Variants in CTNNA1 observed in about 807,000 individuals in gnomAD.
The protein encoded by CTNNA1 is catenin alpha-1.
Under a neutral mutation model 98.4 loss-of-function variants are expected in CTNNA1, and 37 were observed. That is an observed-to-expected ratio of 0.38 (90% CI 0.29 to 0.49). The LOEUF is 0.49. Among genes scored for constraint, CTNNA1 ranks in the 20% least tolerant of loss-of-function variants. The pLI, the probability that CTNNA1 is intolerant of heterozygous loss-of-function variation, is 0.95. For missense variants in CTNNA1, 761 were observed against 1,147.2 expected, an observed-to-expected ratio of 0.66 and a Z score of 4.86; for synonymous variants, 404 against 413.2, an observed-to-expected ratio of 0.98 and a Z score of 0.27.
At chr5:138,924,786 C>G in intron 12 of CTNNA1, 76 bp downstream of exon 12, 2 of 1,309,824 alleles carry the variant, frequency 1.5e-6, no homozygotes, top group African/African-American at 1.5e-5. Flanking sequence ...TAGCCCAGCC[C>G]TGTGGTGAGG....
At chr5:138,929,706 A>G (rs964665935) in intron 14 of CTNNA1, among the ~76,000 whole-genome samples, 12 of 152,248 alleles carry the variant, frequency 7.9e-5, no homozygotes, top group African/African-American at 2.9e-4. Context: ...ATGGGTATGA[A>G]CTATTTAATT....
chr5:138,854,636 G>C lies in CTNNA1; in HGVS notation c.1062+26918G>C, dbSNP rs568166600. ...AGGATTTAAAATGCAGAATTGATTT[G>C]ACCCACTAAGCCTCTCTATTAGAAA... On this transcript the variant is annotated intron_variant, in intron 7 of 17. Coordinates refer to ENST00000302763, the MANE Select transcript of CTNNA1 (RefSeq NM_001903.5). Among the ~76,000 whole-genome samples, 27 of 152,326 alleles carry C rather than the reference G, an allele frequency of 1.8e-4. No individual in the cohort carries two copies. Among genetic ancestry groups the C allele is most frequent in the Non-Finnish European group, 3.5e-4 (24 of 68,012 alleles).
At chr5:138,806,630 A>G (rs1314942546) in intron 3 of CTNNA1, among the ~76,000 whole-genome samples, 1 of 152,072 alleles carries the variant, frequency 6.6e-6, no homozygotes, top group East Asian at 1.9e-4. Flanking sequence ...GGTTGAGGGA[A>G]TTGAATTCTG....
In CTNNA1 at chr5:138,931,252, C is replaced by T. The variant is rs567449418; in HGVS notation, c.2298+317C>T. 3.3e-5 allele frequency among the ~76,000 whole-genome samples: 5 copies of T among 152,250 alleles called. No homozygotes were observed. In the East Asian group the frequency reaches 9.6e-4, roughly 29 times the overall value. ...CCAGTGCTGTGGAAGGCTGGTGTGC[C>T]TAGATGGGCCCAGGTTTCTTCATCC... On this transcript the variant is annotated intron_variant, in intron 16 of 17. Transcript: ENST00000302763.
At chr5:138,812,049 T>TG in intron 4 of CTNNA1, 134 bp from the exon 5 acceptor site, 2 of 692,464 alleles carry the variant, frequency 2.9e-6, no homozygotes, top group East Asian at 5.3e-5. Flanking sequence ...TAGAAGACCA[T>TG]GCGCAAACTC....
intron 7 of CTNNA1, among the ~76,000 whole-genome samples, chr5:138,858,418 C>T (rs935415291): frequency 7.9e-5 from 12 of 152,018 alleles, no homozygotes; most frequent in African/African-American, 2.2e-4. Context: ...TGAGCTCCTG[C>T]GCCTGTCCCA....
At position 138,812,254 on chromosome 5, in the gene CTNNA1, A is replaced by G; in HGVS notation, c.540A>G (p.Leu180=). The change falls in exon 5 of 18, where the codon CTA becomes CTG. Residue 180 remains leucine (L), a synonymous_variant. Transcript: ENST00000302763. The part of the protein sequence containing the change: ...EQDLGIQYKA[L]KPEVDKLNIM... The stretch of plus-strand genomic sequence containing the variant: ...ACTTAGGAATCCAGTATAAAGCCCT[A>G]AAACCTGAAGTGGATAAGCTGAACA... 6.2e-7 allele frequency: 1 copy of G among 1,613,954 alleles called. No homozygotes were observed. The highest frequency in any genetic ancestry group is 8.5e-7 in the Non-Finnish European group (1 of 1,179,880).
At chr5:138,828,681 A>AT (rs1361704385) in intron 7 of CTNNA1, among the ~76,000 whole-genome samples, 2 of 152,216 alleles carry the variant, frequency 1.3e-5, no homozygotes, top group Non-Finnish European at 2.9e-5. Flanking sequence ...TTCGTTTGCC[A>AT]TACATCTTGT....
Position 138,933,777 on chromosome 5 carries a change from C to T in CTNNA1, c.2434-25C>T. 2.5e-6 allele frequency: 4 copies of T among 1,607,078 alleles called. No homozygotes were observed. The Admixed American group carries it at 5.0e-5, about 20-fold the overall frequency. On this transcript the variant is annotated intron_variant, in intron 17 of 17. Transcript: ENST00000302763. ...GAGGCTGGAGGTCAGGCCGGTGCTT[C>T]TTACCACCCCTGTCTGCCTCGTAGG...
intron 9 of CTNNA1, among the ~76,000 whole-genome samples, chr5:138,888,505 G>A (rs1315471675): frequency 6.6e-6 from 1 of 152,004 alleles, no homozygotes; most frequent in African/African-American, 2.4e-5. Flanking sequence ...TGTGTGTCTC[G>A]TACTTTTGAA....
At chr5:138,785,859 G>C (rs1018647960) in intron 3 of CTNNA1, among the ~76,000 whole-genome samples, 1 of 152,222 alleles carries the variant, frequency 6.6e-6, no homozygotes, top group Non-Finnish European at 1.5e-5. Flanking sequence ...CTCCCGAAGT[G>C]CTGGGATTAC....
intron 4 of CTNNA1, 152 bp from the exon 5 acceptor site, chr5:138,812,031 T>A: frequency 1.6e-6 from 1 of 615,640 alleles, no homozygotes; most frequent in Non-Finnish European, 2.9e-6. Flanking sequence ...TAATTGCTGT[T>A]TAAATGTTAG....
intron 7 of CTNNA1, among the ~76,000 whole-genome samples, chr5:138,847,085 A>G (rs1378532768): frequency 5.3e-5 from 8 of 152,206 alleles, no homozygotes; most frequent in African/African-American, 1.9e-4. Flanking sequence ...AGTATCTGAA[A>G]GCTTTGTTCT....
At chr5:138,838,191 G>T (rs1024678511) in intron 7 of CTNNA1, among the ~76,000 whole-genome samples, 16 of 152,312 alleles carry the variant, frequency 1.1e-4, no homozygotes, top group African/African-American at 3.8e-4. Flanking sequence ...GTGAGCCATG[G>T]CACCCAGCCC....
intron 3 of CTNNA1, among the ~76,000 whole-genome samples, chr5:138,802,141 A>G (rs1757641216): frequency 6.6e-6 from 1 of 152,254 alleles, no homozygotes; most frequent in Non-Finnish European, 1.5e-5. Flanking sequence ...AATGTAAATG[A>G]CAAGAAGAAG....
rs1755161812 is a variant in CTNNA1 at position 138,781,981 on chromosome 5, G to C, written c.57G>C (p.Glu19Asp). ...INFKWDPKSL[E>D]IRTLAVERLL... is the part of the protein sequence containing the mutation. The stretch of plus-strand genomic sequence containing the variant: ...TCAAGTGGGATCCTAAAAGTCTAGA[G>C]ATCAGGACTCTGGCAGTTGAGAGAC... Residue 19 changes from glutamate (E) to aspartate (D), a missense_variant, in exon 2 of 18, where the codon GAG becomes GAC. Physicochemically the swap from Glu to Asp is conservative, Grantham distance 45. Around this residue, in one of 6 missense-constraint regions of CTNNA1, gnomAD observed 328 missense variants for 354.3 expected, o/e 0.93. Transcript: ENST00000302763. The C allele has an allele frequency of 6.2e-7, 1 of 1,606,790 alleles. No homozygotes were observed. Among genetic ancestry groups the C allele is most frequent in the Non-Finnish European group, 8.5e-7 (1 of 1,178,516 alleles).
intron 7 of CTNNA1, among the ~76,000 whole-genome samples, chr5:138,830,341 G>A (rs559493030): frequency 1.3e-5 from 2 of 152,292 alleles, no homozygotes; most frequent in Admixed American, 6.5e-5. Flanking sequence ...CAGCCTGGGC[G>A]ACAGAGCGAG....
At position 138,934,317 on chromosome 5, in the gene CTNNA1, A is replaced by AAAAAT; in HGVS notation, c.*233_*237dup. 1.9e-6 allele frequency: 1 copy of AAAAAT among 515,116 alleles called. No homozygotes were observed. Among genetic ancestry groups the AAAAAT allele is most frequent in the South Asian group, 2.8e-5 (1 of 35,486 alleles). 31.9% of individuals were successfully genotyped at this position (515,116 alleles called of 1,614,324 possible). A position where few individuals can be genotyped will look rare whatever the true frequency, so the allele number is the denominator to read the frequency against. ...AGCTGTATTTTTTGTATGCTTAAAT[A>AAAAAT]AAAATAAAAATTCATAACCAAAGAG... On this transcript the variant is annotated 3_prime_UTR_variant, in exon 18 of 18. Coordinates refer to ENST00000302763, the MANE Select transcript of CTNNA1 (RefSeq NM_001903.5).
intron 3 of CTNNA1, among the ~76,000 whole-genome samples, chr5:138,804,866 G>C (rs932526802): frequency 6.6e-6 from 1 of 152,178 alleles, no homozygotes; most frequent in Non-Finnish European, 1.5e-5. Flanking sequence ...GCTTATATTA[G>C]TCCGTTCTCA....
Sources: allele counts gnomAD v4.1 joint callset (sites outside exome capture counted in the v4.1 genomes callset), GRCh38; gene constraint gnomAD v4.1.1; regional missense constraint gnomAD v4.1.1; transcripts MANE v1.5; gene names NCBI Gene and HGNC (gene_info 2026-07-23, HGNC 2026-07-21).